ADGRA3: variants seen among roughly 807,000 people sequenced by gnomAD.
ADGRA3 encodes adhesion G protein-coupled receptor A3, also known as G-protein coupled receptor 125.
ADGRA3 carries 56 observed loss-of-function variants against 119.8 expected under a neutral mutation model. The ratio of observed to expected loss-of-function variants is 0.47; its 90% CI spans 0.38 to 0.58. The LOEUF is 0.58. ADGRA3 is among the 20% of genes least tolerant of loss of function. ADGRA3 has a pLI of 0.00. For missense variants in ADGRA3, 1,516 were observed against 1,649.0 expected (o/e 0.92, Z 1.40); for synonymous variants, 607 against 623.8 (o/e 0.97, Z 0.40).
chr4:22,506,006 T>C (rs919558077), intron 1 of ADGRA3, among the ~76,000 whole-genome samples: 3 of 152,062 alleles, frequency 2.0e-5, no homozygotes, highest in Non-Finnish European at 4.4e-5. Context: ...AGAATGCAAC[T>C]GGAGAAGAGT....
At chr4:22,403,076 T>G (rs999907077) in intron 14 of ADGRA3, among the ~76,000 whole-genome samples, 5 of 152,092 alleles carry the variant, frequency 3.3e-5, no homozygotes, top group African/African-American at 1.2e-4. Flanking sequence ...AAAAGAGAAA[T>G]CAGCCCCCTA....
Position 22,438,414 on chromosome 4 carries a change from T to G in ADGRA3, c.927A>C (p.Leu309=). 1.2e-6 allele frequency: 2 copies of G among 1,613,152 alleles called. No individual in the cohort carries two copies. Among genetic ancestry groups the G allele is most frequent in the Non-Finnish European group, 1.7e-6 (2 of 1,179,556 alleles). The part of the protein sequence containing the change: ...IHNCSLIASA[L]TISNIQAGST... ...ATCCAGCCTGAATATTAGAAATGGT[T>G]AGGGCACTGCATAAAGAAAGATTTT... Residue 309 remains leucine, a synonymous_variant, in exon 8 of 19, where the codon CTA becomes CTC. Coordinates refer to ENST00000334304, the MANE Select transcript of ADGRA3 (RefSeq NM_145290.4).
intron 3 of ADGRA3, among the ~76,000 whole-genome samples, chr4:22,455,611 TCTC>T (rs1398767837): frequency 6.6e-6 from 1 of 152,216 alleles, no homozygotes; most frequent in African/African-American, 2.4e-5. Flanking sequence ...ATTTTTTACT[TCTC>T]CTCAATGAAA....
Position 22,387,974 on chromosome 4 carries a change from T to G in ADGRA3, c.3697A>C (p.Asn1233His). 1 of 1,614,186 alleles carries G rather than the reference T, an allele frequency of 6.2e-7. No homozygotes were observed. The change falls in exon 19 of 19, where the codon AAC becomes CAC. Residue 1233 changes from asparagine (N) to histidine (H), a missense_variant. Asn to His is a moderately conservative substitution (Grantham distance 68, BLOSUM62 1). Around this residue, in one of 2 missense-constraint regions of ADGRA3, gnomAD observed 1,088 missense variants for 1,107.1 expected, o/e 0.98. Transcript: ENST00000334304. ...TCGCTGCTGTCTTGCTGGGGTGGGT[T>G]GTACTGTCTCTCTCTGTAGGCTAAA... ...AYLAYRERQYNPPQQDSSDAC... is the reference protein window; with the variant it reads ...AYLAYRERQYHPPQQDSSDAC...
rs150228755 is a variant in ADGRA3, at chr4:22,473,510, G to T, written c.329+262C>A. Among the ~76,000 whole-genome samples the T allele has an allele frequency of 9.3e-4, 142 of 152,232 alleles. 4 individuals are homozygous for T. The East Asian group carries it at 0.025, about 26-fold the overall frequency. ...CAATACTCATTGGCTTATTATCTAA[G>T]GCTGCATTCACACTTCAACGGCAGA... On this transcript the variant is annotated intron_variant, in intron 2 of 18. Coordinates refer to ENST00000334304, the MANE Select transcript of ADGRA3 (RefSeq NM_145290.4).
Position 22,420,776 on chromosome 4 carries a change from T to TC in ADGRA3, c.1809+109dup. On this transcript the variant is annotated intron_variant, in intron 12 of 18. Coordinates refer to ENST00000334304, the MANE Select transcript of ADGRA3 (RefSeq NM_145290.4). ...ACAGTAGCAAAAGCAATAATACCTA[T>TC]CTTCCTGCAAAAAAAAAATCTTTTA... 2.9e-6 allele frequency: 3 copies of TC among 1,036,774 alleles called. No individual in the cohort carries two copies. In the South Asian group the frequency reaches 4.4e-5, roughly 15 times the overall value. 64.2% of individuals were successfully genotyped at this position (1,036,774 alleles called of 1,614,324 possible).
chr4:22,512,619 C>A (rs891951400), intron 1 of ADGRA3, among the ~76,000 whole-genome samples: 2 of 152,102 alleles, frequency 1.3e-5, no homozygotes, highest in Admixed American at 6.5e-5. Context: ...TTGAGACACA[C>A]AGACACACAG....
chr4:22,415,171 T>C (rs541138366), intron 12 of ADGRA3, among the ~76,000 whole-genome samples: 2 of 152,126 alleles, frequency 1.3e-5, no homozygotes, highest in South Asian at 4.1e-4. Context: ...GAAACCTCTA[T>C]GTTAATAGTT....
At chr4:22,389,001 T>C (rs1713988430) in intron 18 of ADGRA3, 54 bp from the exon 19 acceptor site, 1 of 1,601,424 alleles carries the variant, frequency 6.2e-7, no homozygotes, top group African/African-American at 1.3e-5. Context: ...ACAAATTATC[T>C]ACGAAATTGC....
At chr4:22,418,718 A>G (rs1225286549) in intron 12 of ADGRA3, among the ~76,000 whole-genome samples, 1 of 152,140 alleles carries the variant, frequency 6.6e-6, no homozygotes, top group African/African-American at 2.4e-5. Flanking sequence ...GAATGCCCAC[A>G]ACATTAACAA....
In ADGRA3 at chr4:22,389,194, G is replaced by GA; in HGVS notation, c.2628-12dup. ...CCAATCAGGTAAAATCTAGAAGGAG[G>GA]AATCACAGGAAAAACCACTCATCAT... On this transcript the variant is annotated splice_polypyrimidine_tract_variant and intron_variant, in intron 17 of 18. Transcript: ENST00000334304. The GA allele has an allele frequency of 6.3e-7, 1 of 1,579,004 alleles. No homozygotes were observed. The highest frequency in any genetic ancestry group is 8.7e-7 in the Non-Finnish European group (1 of 1,148,942).
intron 7 of ADGRA3, among the ~76,000 whole-genome samples, chr4:22,440,024 T>A (rs1004336328): frequency 6.6e-6 from 1 of 152,210 alleles, no homozygotes; most frequent in African/African-American, 2.4e-5. Flanking sequence ...TAATGAGATA[T>A]GTGTGCCTGC....
At chr4:22,443,561 T>A (rs1231161373) in intron 6 of ADGRA3, among the ~76,000 whole-genome samples, 2 of 152,168 alleles carry the variant, frequency 1.3e-5, no homozygotes, top group Non-Finnish European at 2.9e-5. Flanking sequence ...CCTTCCATTA[T>A]TTATGAAGCA....
At chr4:22,477,156 T>C (rs1718078042) in intron 1 of ADGRA3, among the ~76,000 whole-genome samples, 2 of 152,174 alleles carry the variant, frequency 1.3e-5, no homozygotes, top group Admixed American at 1.3e-4. Context: ...TGCTTTGAGA[T>C]TAAAGAGCCA....
intron 1 of ADGRA3, among the ~76,000 whole-genome samples, chr4:22,491,794 G>A (rs1718632702): frequency 6.6e-6 from 1 of 152,122 alleles, no homozygotes; most frequent in South Asian, 2.1e-4. Flanking sequence ...TACTGTGACG[G>A]TCTTGAAACC....
chr4:22,510,446 C>T (rs146809712), intron 1 of ADGRA3, among the ~76,000 whole-genome samples: 2 of 152,242 alleles, frequency 1.3e-5, no homozygotes, highest in Non-Finnish European at 2.9e-5. Context: ...GTGCTCCCCA[C>T]AGCCTCTGCA....
intron 10 of ADGRA3, among the ~76,000 whole-genome samples, chr4:22,431,630 T>C (rs10938899): frequency 6.6e-6 from 1 of 151,966 alleles, no homozygotes; most frequent in Non-Finnish European, 1.5e-5. Context: ...ATGACTTTGC[T>C]CCTCCTTTGC....
chr4:22,469,731 C>T (rs776491073), intron 2 of ADGRA3, among the ~76,000 whole-genome samples: 1 of 152,154 alleles, frequency 6.6e-6, no homozygotes, highest in Non-Finnish European at 1.5e-5. Flanking sequence ...TAGTCTAGGG[C>T]ACTGGTCTCT....
At chr4:22,414,933 G>A (rs1335895795) in intron 12 of ADGRA3, among the ~76,000 whole-genome samples, 2 of 152,086 alleles carry the variant, frequency 1.3e-5, no homozygotes, top group Admixed American at 6.6e-5. Context: ...TGGCAGCCAG[G>A]GGGAAGACTT....
Sources: allele counts gnomAD v4.1 joint callset (sites outside exome capture counted in the v4.1 genomes callset), GRCh38; gene constraint gnomAD v4.1.1; regional missense constraint gnomAD v4.1.1; transcripts MANE v1.5; gene names NCBI Gene and HGNC (gene_info 2026-07-23, HGNC 2026-07-21).